Variants in LRRC4C observed in about 807,000 individuals in gnomAD.
LRRC4C encodes the protein leucine rich repeat containing 4C, also known as leucine-rich repeat-containing protein 4C.
In LRRC4C, 5 loss-of-function variants were observed where a neutral mutation model predicts 33.6. That is an observed-to-expected ratio of 0.15 (90% confidence interval 0.08 to 0.31). The LOEUF (loss-of-function observed/expected upper bound fraction) is 0.31, where lower values mean the gene tolerates loss of function less well. Ranked by LOEUF, LRRC4C falls within the 10% of genes least tolerant of loss-of-function variation. LRRC4C has a pLI of 1.00. For synonymous variants in LRRC4C, 329 were observed against 302.0 expected (o/e 1.09, Z -0.93); for missense variants, 560 against 796.7 (o/e 0.70, Z 3.58).
chr11:40,635,914 C>T (rs1311100178), intron 3 of LRRC4C, among the ~76,000 whole-genome samples: 1 of 152,020 alleles, frequency 6.6e-6, no homozygotes, highest in East Asian at 1.9e-4. Context: ...GCTGGGATTA[C>T]AGGCGTGAGG....
chr11:40,839,832 A>G (rs1156552209), intron 2 of LRRC4C, among the ~76,000 whole-genome samples: 1 of 152,234 alleles, frequency 6.6e-6, no homozygotes, highest in Non-Finnish European at 1.5e-5. Context: ...TCTATAGATG[A>G]CATATATTCT....
chr11:41,378,726 T>A (rs1342391818), intron 1 of LRRC4C, among the ~76,000 whole-genome samples: 1 of 152,154 alleles, frequency 6.6e-6, no homozygotes, highest in Non-Finnish European at 1.5e-5. Flanking sequence ...CCTATGAAGA[T>A]GTATGATTTC....
chr11:41,032,715 G>T (rs538486892), intron 1 of LRRC4C, among the ~76,000 whole-genome samples: 6 of 151,488 alleles, frequency 4.0e-5, no homozygotes, highest in South Asian at 4.1e-4. Context: ...TTTAGTAACT[G>T]AAAAAAGGGG....
intron 1 of LRRC4C, among the ~76,000 whole-genome samples, chr11:41,356,637 AG>A (rs941359119): frequency 1.3e-5 from 2 of 152,088 alleles, no homozygotes; most frequent in Non-Finnish European, 2.9e-5. Flanking sequence ...CTCCTAGAGA[AG>A]GGGTTAGGAA....
At chr11:40,612,225 T>A (rs988077124) in intron 3 of LRRC4C, among the ~76,000 whole-genome samples, 1 of 151,842 alleles carries the variant, frequency 6.6e-6, no homozygotes, top group African/African-American at 2.4e-5. Context: ...GAAGAAAATC[T>A]TATCAGCTGC....
intron 1 of LRRC4C, among the ~76,000 whole-genome samples, chr11:41,217,446 A>G (rs971213755): frequency 6.6e-6 from 1 of 152,182 alleles, no homozygotes; most frequent in Non-Finnish European, 1.5e-5. Context: ...AAGAAAATAA[A>G]TGTTTATATT....
At position 41,149,113 on chromosome 11, in the gene LRRC4C, G is replaced by T. The variant is rs186133672; in HGVS notation, c.-495-215390C>A. ...TATTTTTTCAGAAAAAAACAAAAAAGGATCATTTTTAAACTCAATCTTGAC... is the reference window on the plus strand; with the variant it reads ...TATTTTTTCAGAAAAAAACAAAAAATGATCATTTTTAAACTCAATCTTGAC... On this transcript the variant is annotated intron_variant, in intron 1 of 6. Transcript: ENST00000528697. Among the ~76,000 whole-genome samples the T allele has an allele frequency of 2.9e-4, 44 of 152,000 alleles. 1 individual carries two copies. Among genetic ancestry groups the T allele is most frequent in the Admixed American group, 2.9e-3 (44 of 15,266 alleles).
At chr11:40,320,302 G>C (rs1222420687) in intron 3 of LRRC4C, among the ~76,000 whole-genome samples, 2 of 152,052 alleles carry the variant, frequency 1.3e-5, no homozygotes, top group Non-Finnish European at 2.9e-5. Flanking sequence ...TCAGGAGATC[G>C]AGACCATCCT....
At chr11:41,129,007 G>A (rs1185305148) in intron 1 of LRRC4C, among the ~76,000 whole-genome samples, 3 of 151,864 alleles carry the variant, frequency 2.0e-5, no homozygotes, top group Non-Finnish European at 4.4e-5. Flanking sequence ...CTATAAAAAT[G>A]AATTCAATTA....
chr11:41,369,001 T>A (rs139954719), intron 1 of LRRC4C, among the ~76,000 whole-genome samples: 13 of 152,298 alleles, frequency 8.5e-5, no homozygotes, highest in Non-Finnish European at 1.8e-4. Context: ...TTACCACATG[T>A]GTTTTTCTCC....
chr11:40,644,239 C>G, intron 3 of LRRC4C, among the ~76,000 whole-genome samples: 1 of 151,980 alleles, frequency 6.6e-6, no homozygotes, highest in East Asian at 1.9e-4. Flanking sequence ...GGCCGTAAAG[C>G]GCAAAACTGA....
chr11:40,675,027 A>C (rs970210314), intron 2 of LRRC4C, among the ~76,000 whole-genome samples: 3 of 152,230 alleles, frequency 2.0e-5, no homozygotes, highest in African/African-American at 4.8e-5. Flanking sequence ...GCATCAAAAA[A>C]TTCCCAAAAG....
At position 41,438,809 on chromosome 11, in the gene LRRC4C, C is replaced by T. The variant is rs572522014; in HGVS notation, c.-496+20622G>A. 1.1e-4 allele frequency among the ~76,000 whole-genome samples: 17 copies of T among 152,148 alleles called. No individual in the cohort carries two copies. The South Asian group carries it at 1.9e-3, about 17-fold the overall frequency. ...CATTTAATATATATTGAATGAACAC[C>T]TGAGGATCACAAGTAAGGAAACCGA... On this transcript the variant is annotated intron_variant, in intron 1 of 6. Coordinates refer to ENST00000528697, the MANE Select transcript of LRRC4C (RefSeq NM_001258419.2).
At chr11:40,864,918 A>G (rs960978364) in intron 2 of LRRC4C, among the ~76,000 whole-genome samples, 2 of 152,206 alleles carry the variant, frequency 1.3e-5, no homozygotes, top group African/African-American at 4.8e-5. Context: ...AAACTGTTTA[A>G]GCTAGCATCT....
chr11:40,936,065 T>TATATATATATA (rs1555008817), intron 1 of LRRC4C, among the ~76,000 whole-genome samples: 2 of 75,820 alleles, frequency 2.6e-5, no homozygotes, highest in Non-Finnish European at 5.5e-5. Flanking sequence ...TATATATATA[T>TATATATATATA]AACATAGTTT....
chr11:40,223,176 T>C (rs1864543260), intron 5 of LRRC4C, among the ~76,000 whole-genome samples: 1 of 152,208 alleles, frequency 6.6e-6, no homozygotes, highest in Non-Finnish European at 1.5e-5. Context: ...TATATTTCCC[T>C]GAGTCCAGTG....
At chr11:41,083,466 A>C (rs1939727761) in intron 1 of LRRC4C, among the ~76,000 whole-genome samples, 1 of 152,196 alleles carries the variant, frequency 6.6e-6, no homozygotes, top group Non-Finnish European at 1.5e-5. Context: ...ACATTTCATC[A>C]GCCTGCTTAG....
At chr11:40,165,920 G>A (rs539145690) in intron 5 of LRRC4C, among the ~76,000 whole-genome samples, 9 of 152,222 alleles carry the variant, frequency 5.9e-5, no homozygotes, top group Non-Finnish European at 8.8e-5. Context: ...ACTCCAGCCC[G>A]GGCAAGGAGA....
At chr11:41,301,129 C>G (rs1216269576) in intron 1 of LRRC4C, among the ~76,000 whole-genome samples, 1 of 152,174 alleles carries the variant, frequency 6.6e-6, no homozygotes, top group African/African-American at 2.4e-5. Flanking sequence ...TATGCTTATT[C>G]ACAGCCCACT....
Sources: gnomAD v4.1 joint callset for allele counts (sites outside exome capture counted in the v4.1 genomes callset) on GRCh38, gnomAD v4.1.1 for gene constraint, MANE v1.5 for transcripts, NCBI Gene and HGNC (gene_info 2026-07-23, HGNC 2026-07-21) for gene names.